The following SRP54 variants were observed in gnomAD, a reference collection of about 807,000 sequenced individuals.
SRP54 encodes the protein signal recognition particle 54.
SRP54 carries 10 observed loss-of-function variants against 64.8 expected under a neutral mutation model. The ratio of observed to expected loss-of-function variants is 0.15; its 90% CI spans 0.10 to 0.26. The LOEUF (loss-of-function observed/expected upper bound fraction) is 0.26, where lower values mean the gene tolerates loss of function less well. SRP54 is among the 10% of genes least tolerant of loss of function. SRP54 has a pLI of 1.00. For synonymous variants in SRP54, 193 were observed against 185.6 expected (o/e 1.04, Z -0.32); for missense variants, 325 against 613.7 (o/e 0.53, Z 4.97).
intron 1 of SRP54, 54 bp downstream of exon 1, chr14:34,983,269 C>G (rs531782880): frequency 6.6e-6 from 1 of 152,466 alleles, no homozygotes; most frequent in Admixed American, 6.5e-5. Flanking sequence ...GAGGGGCAGC[C>G]CCAGCGCTGC....
rs142480202 is a variant in SRP54 at position 34,996,730 on chromosome 14, A to C, written c.21A>C (p.Gly7=). 430 of 1,613,430 alleles carry C rather than the reference A, an allele frequency of 2.7e-4. 1 individual carries two copies. Among genetic ancestry groups the C allele is most frequent in the Non-Finnish European group, 3.4e-4 (401 of 1,179,558 alleles). Residue 7 remains glycine, a synonymous_variant, in exon 2 of 16, where the codon GGA becomes GGC. Transcript: ENST00000216774. MVLADL[G]RKITSALRSL... Reference sequence around the variant, plus strand: ...TCAAGATGGTTCTAGCAGACCTTGGAAGAAAAATAACATCAGCATTACGCT... The same window carrying C: ...TCAAGATGGTTCTAGCAGACCTTGGCAGAAAAATAACATCAGCATTACGCT...
Position 35,008,841 on chromosome 14 carries a change from T to C in SRP54, c.485+10T>C, listed in dbSNP as rs1323980604. Reference sequence around the variant, plus strand: ...TTCCATTTTATGGAAGGTAGGTTACTGTTTTTTATTTTAACACTTATATCC... The same window carrying C: ...TTCCATTTTATGGAAGGTAGGTTACCGTTTTTTATTTTAACACTTATATCC... On this transcript the variant is annotated intron_variant, in intron 7 of 15. Coordinates refer to ENST00000216774, the MANE Select transcript of SRP54 (RefSeq NM_003136.4). 5.0e-6 allele frequency: 8 copies of C among 1,596,188 alleles called. No homozygotes were observed. The highest frequency in any genetic ancestry group is 2.2e-4 in the Middle Eastern group (1 of 4,574).
chr14:35,013,906 T>G lies in SRP54; in HGVS notation c.886+4T>G. Reference sequence around the variant, plus strand: ...CCTTTTATTAGCAAACTTCTTGGTATGTACAGTGGTGGGGATATAGAAAAA... The same window carrying G: ...CCTTTTATTAGCAAACTTCTTGGTAGGTACAGTGGTGGGGATATAGAAAAA... On this transcript the variant is annotated splice_donor_region_variant and intron_variant, in intron 10 of 15. Transcript: ENST00000216774. 1.9e-6 allele frequency: 3 copies of G among 1,588,004 alleles called. No individual in the cohort carries two copies. Among genetic ancestry groups the G allele is most frequent in the Non-Finnish European group, 2.6e-6 (3 of 1,158,958 alleles).
intron 7 of SRP54, 53 bp downstream of exon 7, chr14:35,008,884 CTTTTTTT>C: frequency 4.0e-5 from 27 of 676,364 alleles, no homozygotes; most frequent in Admixed American, 8.6e-5. Context: ...TGTCTGTCAG[CTTTTTTT>C]TTTTTTTTTT....
rs142605014 is a variant in SRP54, at chr14:34,985,233, A to G, written c.-34+2018A>G. 3.7e-3 allele frequency among the ~76,000 whole-genome samples: 563 copies of G among 152,274 alleles called. 5 individuals carry two copies. Among genetic ancestry groups the G allele is most frequent in the African/African-American group, 0.013 (547 of 41,556 alleles). ...TGTAGTCCCAGCTAGTTGGAGGGAT[A>G]ATGAAATGAACATCTATGTACACAT... On this transcript the variant is annotated intron_variant, in intron 1 of 15. Coordinates refer to ENST00000216774, the MANE Select transcript of SRP54 (RefSeq NM_003136.4).
intron 2 of SRP54, among the ~76,000 whole-genome samples, chr14:34,999,009 G>T (rs1481280098): frequency 0.11 from 5,946 of 55,906 alleles, 725 homozygotes; most frequent in East Asian, 0.28. Context: ...GTGTGTGTGT[G>T]TGTGGTTTTT....
chr14:35,007,626 A>T (rs1207593424), intron 5 of SRP54, among the ~76,000 whole-genome samples: 2 of 119,046 alleles, frequency 1.7e-5, no homozygotes, highest in Admixed American at 8.7e-5. Context: ...TATTTTATTA[A>T]AATATATTTA....
chr14:34,983,273 GC>G (rs2043835919), intron 1 of SRP54, 58 bp downstream of exon 1: 1 of 152,348 alleles, frequency 6.6e-6, no homozygotes, highest in South Asian at 2.1e-4. Context: ...GGCAGCCCCA[GC>G]GCTGCTCAGG....
chr14:35,019,838 G>A (rs1193420722), intron 13 of SRP54, among the ~76,000 whole-genome samples: 1 of 152,160 alleles, frequency 6.6e-6, no homozygotes, highest in Non-Finnish European at 1.5e-5. Context: ...TATTAAGTGT[G>A]CAAGAGCATT....
At chr14:35,027,149 C>G (rs1389041063) in intron 14 of SRP54, among the ~76,000 whole-genome samples, 1 of 151,408 alleles carries the variant, frequency 6.6e-6, no homozygotes, top group Admixed American at 6.6e-5. Flanking sequence ...GCCTCAGTCT[C>G]CTGAGTAGCT....
rs371624971 is a variant in SRP54, at chr14:35,001,029, A to G, written c.255+9A>G. 2 of 1,482,688 alleles carry G rather than the reference A, an allele frequency of 1.3e-6. No homozygotes were observed. Among genetic ancestry groups the G allele is most frequent in the African/African-American group, 1.4e-5 (1 of 71,204 alleles). 91.8% of individuals were successfully genotyped at this position (1,482,688 alleles called of 1,614,324 possible). The stretch of plus-strand genomic sequence containing the variant: ...TTAAAGAACTTGTGAAGGTAAAAGT[A>G]TATGAAGATTATGCTGTGATTCTAT... On this transcript the variant is annotated intron_variant, in intron 4 of 15. Transcript: ENST00000216774.
chr14:34,991,401 A>G (rs2043976217), intron 1 of SRP54, among the ~76,000 whole-genome samples: 2 of 151,998 alleles, frequency 1.3e-5, no homozygotes, highest in Admixed American at 1.3e-4. Flanking sequence ...AAGTGCTGGG[A>G]TTACAGGCAT....
chr14:35,010,305 A>G (rs2044335060), intron 7 of SRP54, among the ~76,000 whole-genome samples: 1 of 150,042 alleles, frequency 6.7e-6, no homozygotes, highest in Admixed American at 6.7e-5. Flanking sequence ...AAATAACTGG[A>G]CGTGGTGGCG....
At chr14:35,024,655 T>G (rs2044592110) in intron 14 of SRP54, among the ~76,000 whole-genome samples, 1 of 132,534 alleles carries the variant, frequency 7.5e-6, no homozygotes, top group South Asian at 2.6e-4. Flanking sequence ...CCCTTGTTTA[T>G]TTTTTCCTTT....
intron 1 of SRP54, among the ~76,000 whole-genome samples, chr14:34,994,657 T>G (rs997999127): frequency 6.6e-6 from 1 of 152,166 alleles, no homozygotes; most frequent in Non-Finnish European, 1.5e-5. Flanking sequence ...TATTTCATCT[T>G]CCTCAAATTC....
rs545118638 is a variant in SRP54 at position 34,994,106 on chromosome 14, G to A, written c.-33-2571G>A. On this transcript the variant is annotated intron_variant, in intron 1 of 15. Coordinates refer to ENST00000216774, the MANE Select transcript of SRP54 (RefSeq NM_003136.4). ...CCTCCCATCTTCAAGCGATTCTCCT[G>A]CCTCAGCCTTCTGAGTAGCTGGAAT... Among the ~76,000 whole-genome samples, 8 of 152,190 alleles carry A rather than the reference G, an allele frequency of 5.3e-5. No homozygotes were observed. In the East Asian group the frequency reaches 1.5e-3, roughly 29 times the overall value.
chr14:35,007,856 G>A (rs1219540112), intron 5 of SRP54, among the ~76,000 whole-genome samples: 2 of 150,268 alleles, frequency 1.3e-5, no homozygotes, highest in Non-Finnish European at 3.0e-5. Context: ...TGTGTTACTT[G>A]ATGTATGTTT....
chr14:35,013,918 G>A lies in SRP54; in HGVS notation c.886+16G>A. Reference sequence around the variant, plus strand: ...AAACTTCTTGGTATGTACAGTGGTGGGGATATAGAAAAATCTCCAAGAAAT... The same window carrying A: ...AAACTTCTTGGTATGTACAGTGGTGAGGATATAGAAAAATCTCCAAGAAAT... On this transcript the variant is annotated intron_variant, in intron 10 of 15. Transcript: ENST00000216774. 1 of 1,543,238 alleles carries A rather than the reference G, an allele frequency of 6.5e-7. No individual in the cohort carries two copies. The highest frequency in any genetic ancestry group is 8.9e-7 in the Non-Finnish European group (1 of 1,126,274).
intron 14 of SRP54, among the ~76,000 whole-genome samples, chr14:35,027,281 C>G (rs1051536216): frequency 6.6e-6 from 1 of 152,008 alleles, no homozygotes; most frequent in African/African-American, 2.4e-5. Flanking sequence ...CTGCCAGCCT[C>G]GGCCTCCCAG....
Sources: allele counts gnomAD v4.1 joint callset (sites outside exome capture counted in the v4.1 genomes callset), GRCh38; gene constraint gnomAD v4.1.1; transcripts MANE v1.5; gene names NCBI Gene and HGNC (gene_info 2026-07-23, HGNC 2026-07-21).